The following CTNND2 variants were observed in gnomAD, a reference collection of about 807,000 sequenced individuals.
CTNND2 encodes catenin delta-2.
In CTNND2, 22 loss-of-function variants were observed where a neutral mutation model predicts 144.4. The ratio of observed to expected loss-of-function variants is 0.15; its 90% CI spans 0.11 to 0.22. CTNND2 has a LOEUF of 0.22. CTNND2 is among the 10% of genes least tolerant of loss of function. CTNND2 has a pLI of 1.00. For missense variants in CTNND2, 1,353 were observed against 1,618.8 expected, an observed-to-expected ratio of 0.84 and a Z score of 2.82; for synonymous variants, 751 against 695.6, an observed-to-expected ratio of 1.08 and a Z score of -1.25.
chr5:11,567,138 T>C (rs192870918), intron 2 of CTNND2, among the ~76,000 whole-genome samples: 4 of 152,258 alleles, frequency 2.6e-5, no homozygotes, highest in Admixed American at 1.3e-4. Context: ...TATATGTCTA[T>C]AGTGTTTATT....
chr5:11,371,163 A>G (rs1020101540), intron 7 of CTNND2, among the ~76,000 whole-genome samples: 1 of 152,236 alleles, frequency 6.6e-6, no homozygotes, highest in Admixed American at 6.5e-5. Flanking sequence ...GCTAGGCAAC[A>G]TGGCTTTGCA....
chr5:11,500,755 G>A (rs151331037), intron 3 of CTNND2, among the ~76,000 whole-genome samples: 364 of 152,264 alleles, frequency 2.4e-3, no homozygotes, highest in African/African-American at 8.4e-3. Context: ...TGAACACCAC[G>A]CTGTGAAGTA....
intron 2 of CTNND2, among the ~76,000 whole-genome samples, chr5:11,656,706 A>C (rs952039542): frequency 6.6e-6 from 1 of 152,160 alleles, no homozygotes; most frequent in African/African-American, 2.4e-5. Context: ...CAAAAGATGC[A>C]CAACTACCAG....
intron 15 of CTNND2, 119 bp from the exon 16 acceptor site, chr5:11,082,965 C>T: frequency 8.7e-7 from 1 of 1,148,044 alleles, no homozygotes; most frequent in Middle Eastern, 2.7e-4. Context: ...TTACCAAGAC[C>T]TAGTTGTAGA....
At chr5:11,283,888 C>T (rs947658650) in intron 9 of CTNND2, among the ~76,000 whole-genome samples, 6 of 152,110 alleles carry the variant, frequency 3.9e-5, no homozygotes, top group African/African-American at 1.4e-4. Flanking sequence ...CAGTAGCAGC[C>T]ATGCAATGCG....
intron 2 of CTNND2, among the ~76,000 whole-genome samples, chr5:11,717,215 T>C (rs1786402867): frequency 6.6e-6 from 1 of 152,074 alleles, no homozygotes; most frequent in Admixed American, 6.5e-5. Context: ...AATAGTGATT[T>C]TTTGAAAAGA....
At chr5:11,090,774 T>C (rs1032904911) in intron 15 of CTNND2, among the ~76,000 whole-genome samples, 1 of 151,956 alleles carries the variant, frequency 6.6e-6, no homozygotes, top group Non-Finnish European at 1.5e-5. Context: ...ATTTAATATA[T>C]GATTGAGCCC....
intron 9 of CTNND2, among the ~76,000 whole-genome samples, chr5:11,336,518 T>C (rs1408703643): frequency 2.0e-5 from 3 of 152,202 alleles, no homozygotes; most frequent in Non-Finnish European, 2.9e-5. Context: ...CACTGATAAA[T>C]AGAGAAGACA....
intron 12 of CTNND2, among the ~76,000 whole-genome samples, chr5:11,118,495 A>G (rs1753775805): frequency 6.6e-6 from 1 of 152,184 alleles, no homozygotes; most frequent in Admixed American, 6.5e-5. Context: ...AATCCTCTGG[A>G]GGTGTGTGCA....
At chr5:11,163,435 C>T (rs1303574778) in intron 11 of CTNND2, among the ~76,000 whole-genome samples, 1 of 152,238 alleles carries the variant, frequency 6.6e-6, no homozygotes, top group South Asian at 2.1e-4. Context: ...AAATCTGTGG[C>T]TCCTACTTGT....
intron 16 of CTNND2, among the ~76,000 whole-genome samples, chr5:11,055,427 C>T (rs539803685): frequency 6.6e-6 from 1 of 152,186 alleles, no homozygotes; most frequent in African/African-American, 2.4e-5. Context: ...ACTGCCATAC[C>T]CCCATTTATT....
At chr5:11,853,397 C>A (rs1465002816) in intron 1 of CTNND2, among the ~76,000 whole-genome samples, 1 of 152,188 alleles carries the variant, frequency 6.6e-6, no homozygotes, top group Non-Finnish European at 1.5e-5. Context: ...CCTGGCATCC[C>A]AATCATGCTC....
At chr5:11,472,592 T>C (rs1280725979) in intron 3 of CTNND2, among the ~76,000 whole-genome samples, 1 of 152,236 alleles carries the variant, frequency 6.6e-6, no homozygotes, top group East Asian at 1.9e-4. Flanking sequence ...TGTAAGTTTC[T>C]GCATTTCAAT....
chr5:11,218,974 C>T (rs1739503802), intron 10 of CTNND2, among the ~76,000 whole-genome samples: 1 of 152,208 alleles, frequency 6.6e-6, no homozygotes, highest in African/African-American at 2.4e-5. Context: ...CTGGCCTGCA[C>T]ATAGGGTGTG....
chr5:11,585,863 T>C (rs527713872), intron 2 of CTNND2, among the ~76,000 whole-genome samples: 1 of 152,194 alleles, frequency 6.6e-6, no homozygotes, highest in East Asian at 1.9e-4. Flanking sequence ...AAGGAGGGGC[T>C]AGGACGGTGC....
At chr5:11,772,210 T>C (rs1409780339) in intron 1 of CTNND2, among the ~76,000 whole-genome samples, 1 of 152,230 alleles carries the variant, frequency 6.6e-6, no homozygotes, top group Non-Finnish European at 1.5e-5. Flanking sequence ...TTTTCCTTTA[T>C]TATTTCTGCT....
At chr5:11,383,772 A>C (rs2548403) in intron 7 of CTNND2, among the ~76,000 whole-genome samples, 50,691 of 152,160 alleles carry the variant, frequency 0.33, 9,956 homozygotes, top group East Asian at 0.58. Flanking sequence ...CTGTAAGGGA[A>C]AAAAAATTCA....
chr5:11,333,136 A>G (rs1022678660), intron 9 of CTNND2, among the ~76,000 whole-genome samples: 3 of 152,212 alleles, frequency 2.0e-5, no homozygotes, highest in Non-Finnish European at 4.4e-5. Context: ...TCCCTCTTGT[A>G]GTATGTATCA....
At chr5:11,697,439 A>T (rs904859956) in intron 2 of CTNND2, among the ~76,000 whole-genome samples, 1 of 152,344 alleles carries the variant, frequency 6.6e-6, no homozygotes, top group African/African-American at 2.4e-5. Context: ...TTATGGCATA[A>T]GTGGGAATAA....
Sources: gnomAD v4.1 joint callset for allele counts (sites outside exome capture counted in the v4.1 genomes callset) on GRCh38, gnomAD v4.1.1 for gene constraint, MANE v1.5 for transcripts, NCBI Gene and HGNC (gene_info 2026-07-23, HGNC 2026-07-21) for gene names.